The following MDFIC variants were observed in gnomAD, a reference collection of about 807,000 sequenced individuals.
The protein encoded by MDFIC is myoD family inhibitor domain-containing protein.
A neutral mutation model predicts 23.2 loss-of-function variants in MDFIC; 17 were observed. That is an observed-to-expected ratio of 0.73 (90% confidence interval 0.50 to 1.10). The LOEUF is 1.10. MDFIC is among the 50% of genes least tolerant of loss of function. The probability of loss-of-function intolerance (pLI) is 0.00; values close to 1 mark genes in which losing one functional copy is unlikely to be tolerated. For missense variants in MDFIC, 356 were observed against 316.6 expected (o/e 1.12, Z -0.95); for synonymous variants, 120 against 115.2 (o/e 1.04, Z -0.27).
At chr7:114,959,310 G>A (rs1792943021) in intron 3 of MDFIC, among the ~76,000 whole-genome samples, 2 of 152,078 alleles carry the variant, frequency 1.3e-5, no homozygotes, top group South Asian at 4.1e-4. Flanking sequence ...TGAAAAATGG[G>A]TGGTTTATAG....
intron 4 of MDFIC, among the ~76,000 whole-genome samples, chr7:115,008,881 T>G (rs1791624658): frequency 6.6e-6 from 1 of 152,196 alleles, no homozygotes; most frequent in Admixed American, 6.5e-5. Flanking sequence ...GAGGAAAGCC[T>G]TCACCCAGTC....
intron 3 of MDFIC, 104 bp downstream of exon 3, chr7:114,942,501 A>G: frequency 1.1e-6 from 1 of 901,884 alleles, no homozygotes; most frequent in South Asian, 2.6e-5. Context: ...CCGTAAATCA[A>G]CAGCGTTTAT....
chr7:114,974,459 A>G (rs1175232294), intron 3 of MDFIC, among the ~76,000 whole-genome samples: 1 of 152,064 alleles, frequency 6.6e-6, no homozygotes, highest in Non-Finnish European at 1.5e-5. Flanking sequence ...TACATTGATC[A>G]TTTTGTTACT....
intron 3 of MDFIC, among the ~76,000 whole-genome samples, chr7:114,949,797 G>T (rs1164473661): frequency 6.6e-6 from 1 of 152,088 alleles, no homozygotes; most frequent in Non-Finnish European, 1.5e-5. Context: ...CCCTAAATGT[G>T]GGGAGGGGGC....
At chr7:114,977,039 GA>G (rs1236983457) in intron 3 of MDFIC, among the ~76,000 whole-genome samples, 1 of 151,784 alleles carries the variant, frequency 6.6e-6, no homozygotes, top group African/African-American at 2.4e-5. Context: ...ATCGCGAACA[GA>G]AAAAAAGACT....
At chr7:114,940,464 A>G (rs1792516793) in intron 2 of MDFIC, among the ~76,000 whole-genome samples, 1 of 152,206 alleles carries the variant, frequency 6.6e-6, no homozygotes, top group Admixed American at 6.5e-5. Flanking sequence ...CCATGGCTTG[A>G]CATCATGCAG....
chr7:114,930,801 C>G (rs1049558734), intron 2 of MDFIC, among the ~76,000 whole-genome samples: 1 of 152,184 alleles, frequency 6.6e-6, no homozygotes, highest in African/African-American at 2.4e-5. Context: ...ACCAGATTAT[C>G]TTTCTGAGAC....
At chr7:114,939,719 G>T (rs1311092290) in intron 2 of MDFIC, among the ~76,000 whole-genome samples, 2 of 152,176 alleles carry the variant, frequency 1.3e-5, no homozygotes, top group Non-Finnish European at 2.9e-5. Flanking sequence ...TATGAGTCAA[G>T]TGTGTCTAGA....
intron 3 of MDFIC, among the ~76,000 whole-genome samples, chr7:114,969,030 A>T (rs1293454820): frequency 6.6e-6 from 1 of 152,186 alleles, no homozygotes; most frequent in Non-Finnish European, 1.5e-5. Flanking sequence ...AAGGAGGAAA[A>T]AACTTTCAGT....
intron 3 of MDFIC, among the ~76,000 whole-genome samples, chr7:114,962,863 G>A (rs1270858374): frequency 6.6e-6 from 1 of 152,264 alleles, no homozygotes; most frequent in Admixed American, 6.5e-5. Context: ...TTATTAAAGA[G>A]CATCAAATCA....
intron 3 of MDFIC, among the ~76,000 whole-genome samples, chr7:114,976,254 C>A (rs1793307043): frequency 6.6e-6 from 1 of 151,848 alleles, no homozygotes; most frequent in Non-Finnish European, 1.5e-5. Context: ...AAGGAGTCTC[C>A]CCAGCTTTGG....
intron 3 of MDFIC, among the ~76,000 whole-genome samples, chr7:114,950,482 G>A (rs919604125): frequency 2.0e-5 from 3 of 152,062 alleles, no homozygotes; most frequent in Admixed American, 6.5e-5. Context: ...AAGACAAGAA[G>A]GGCATCATAA....
intron 4 of MDFIC, among the ~76,000 whole-genome samples, chr7:114,990,169 G>T (rs867031517): frequency 6.6e-6 from 1 of 152,014 alleles, no homozygotes; most frequent in South Asian, 2.1e-4. Context: ...TATCACAAAG[G>T]CTTGAAAAGG....
intron 3 of MDFIC, among the ~76,000 whole-genome samples, chr7:114,947,095 T>C (rs957344142): frequency 1.3e-5 from 2 of 152,228 alleles, no homozygotes; most frequent in Admixed American, 6.5e-5. Context: ...AAGTGTTAAT[T>C]TGGATTTCTT....
chr7:114,991,904 G>T (rs1306874317), intron 4 of MDFIC, among the ~76,000 whole-genome samples: 1 of 152,220 alleles, frequency 6.6e-6, no homozygotes, highest in African/African-American at 2.4e-5. Context: ...TTGGTAGCTT[G>T]ATGGGGATGG....
In MDFIC at chr7:114,960,757, T is replaced by C. The variant is rs566668042; in HGVS notation, c.217+18360T>C. On this transcript the variant is annotated intron_variant, in intron 3 of 4. Transcript: ENST00000393486. ...GTTCAACATGCAGATTCAATATGTA[T>C]ATTCTATGATTTTTGAAATCCCACT... Among the ~76,000 whole-genome samples, 4 of 152,308 alleles carry C rather than the reference T, an allele frequency of 2.6e-5. No homozygotes were observed. The South Asian group carries it at 8.3e-4, about 32-fold the overall frequency.
intron 3 of MDFIC, among the ~76,000 whole-genome samples, chr7:114,972,023 G>A (rs1322392565): frequency 6.6e-6 from 1 of 152,120 alleles, no homozygotes; most frequent in Non-Finnish European, 1.5e-5. Flanking sequence ...TGTAGAGGAG[G>A]ATAAGGAAAT....
At chr7:114,992,733 C>CT (rs1791204317) in intron 4 of MDFIC, among the ~76,000 whole-genome samples, 1 of 152,128 alleles carries the variant, frequency 6.6e-6, no homozygotes, top group South Asian at 2.1e-4. Context: ...TTTTGATGTG[C>CT]TTCTGGATTC....
intron 3 of MDFIC, among the ~76,000 whole-genome samples, chr7:114,965,112 C>T (rs1279584336): frequency 6.6e-6 from 1 of 152,154 alleles, no homozygotes; most frequent in East Asian, 1.9e-4. Flanking sequence ...GATGACATTT[C>T]ACCTAGGTGT....
Sources: allele counts gnomAD v4.1 joint callset (sites outside exome capture counted in the v4.1 genomes callset), GRCh38; gene constraint gnomAD v4.1.1; transcripts MANE v1.5; gene names NCBI Gene and HGNC (gene_info 2026-07-23, HGNC 2026-07-21).